Variants in CNOT6L observed in about 807,000 individuals in gnomAD.
CNOT6L encodes CCR4-NOT transcription complex subunit 6 like.
CNOT6L carries 7 observed loss-of-function variants against 64.0 expected under a neutral mutation model. The ratio of observed to expected loss-of-function variants is 0.11; its 90% CI spans 0.06 to 0.21. The LOEUF is 0.21. CNOT6L is among the 10% of genes least tolerant of loss of function. The probability of loss-of-function intolerance (pLI) is 1.00; values close to 1 mark genes in which losing one functional copy is unlikely to be tolerated. For missense variants in CNOT6L, 245 were observed against 669.0 expected (o/e 0.37, Z 6.99); for synonymous variants, 193 against 243.4 (o/e 0.79, Z 1.93).
Position 77,717,308 on chromosome 4 carries a change from G to C in CNOT6L, c.*3123C>G, listed in dbSNP as rs1449846678. 6.6e-6 allele frequency: 1 copy of C among 152,496 alleles called. No homozygotes were observed. Among genetic ancestry groups the C allele is most frequent in the African/African-American group, 2.4e-5 (1 of 41,424 alleles). 9.4% of individuals were successfully genotyped at this position (152,496 alleles called of 1,614,324 possible). A position where few individuals can be genotyped will look rare whatever the true frequency, so the allele number is the denominator to read the frequency against. ...CTATGAGGTGGATACTGATGCCTGAGAGAGTGGGTGACTTGACATGCACTT... is the reference window on the plus strand; with the variant it reads ...CTATGAGGTGGATACTGATGCCTGACAGAGTGGGTGACTTGACATGCACTT... On this transcript the variant is annotated 3_prime_UTR_variant, in exon 12 of 12. Transcript: ENST00000504123.
intron 4 of CNOT6L, among the ~76,000 whole-genome samples, chr4:77,771,530 G>C (rs1037378418): frequency 1.1e-4 from 17 of 152,054 alleles, no homozygotes; most frequent in Admixed American, 6.5e-4. Flanking sequence ...AATGCCTTGG[G>C]TTAATCCTCA....
chr4:77,816,213 ATC>A lies in CNOT6L; in HGVS notation c.5+3089_5+3090del, dbSNP rs1191812332. Among the ~76,000 whole-genome samples the A allele has an allele frequency of 1.1e-4, 16 of 152,238 alleles. No homozygotes were observed. The East Asian group carries it at 3.1e-3, about 29-fold the overall frequency. ...CCAAATATCTTTATAGTTCAATATCATCTGTTTTCATGATTACTACAGGGAAA... is the reference window on the plus strand; with the variant it reads ...CCAAATATCTTTATAGTTCAATATCATGTTTTCATGATTACTACAGGGAAA... On this transcript the variant is annotated intron_variant, in intron 1 of 11. Coordinates refer to ENST00000504123, the MANE Select transcript of CNOT6L (RefSeq NM_144571.3).
chr4:77,810,945 T>A (rs1732868548), intron 1 of CNOT6L, among the ~76,000 whole-genome samples: 1 of 152,174 alleles, frequency 6.6e-6, no homozygotes. Context: ...GTCCTCTAGT[T>A]CCATCCAAGT....
At chr4:77,772,150 C>A (rs998071692) in intron 4 of CNOT6L, among the ~76,000 whole-genome samples, 1 of 152,234 alleles carries the variant, frequency 6.6e-6, no homozygotes, top group Non-Finnish European at 1.5e-5. Context: ...CTCCTGTAAT[C>A]ACATCAATGC....
At chr4:77,744,474 G>C (rs978997627) in intron 7 of CNOT6L, among the ~76,000 whole-genome samples, 1 of 152,122 alleles carries the variant, frequency 6.6e-6, no homozygotes, top group Non-Finnish European at 1.5e-5. Context: ...GAACGGGTAA[G>C]ATTATTTCCA....
chr4:77,725,551 T>C (rs981770205), intron 11 of CNOT6L, among the ~76,000 whole-genome samples: 4 of 152,170 alleles, frequency 2.6e-5, no homozygotes, highest in African/African-American at 7.2e-5. Flanking sequence ...GCCTTTCCAT[T>C]TTTTTTCATA....
At chr4:77,736,207 T>A (rs968229543) in intron 8 of CNOT6L, among the ~76,000 whole-genome samples, 2 of 152,176 alleles carry the variant, frequency 1.3e-5, no homozygotes, top group African/African-American at 2.4e-5. Context: ...TCAAGTTTTA[T>A]CACTTCAGCT....
intron 1 of CNOT6L, among the ~76,000 whole-genome samples, chr4:77,797,383 T>A (rs1730984372): frequency 6.6e-6 from 1 of 152,204 alleles, no homozygotes; most frequent in African/African-American, 2.4e-5. Flanking sequence ...TGTGTGCCAG[T>A]CTGAGTAGTG....
intron 7 of CNOT6L, among the ~76,000 whole-genome samples, chr4:77,743,791 G>A (rs1198670091): frequency 1.1e-4 from 16 of 151,474 alleles, no homozygotes; most frequent in Non-Finnish European, 2.1e-4. Flanking sequence ...TAGTAGATAT[G>A]GGGTTTCACC....
chr4:77,742,058 T>C (rs1723658686), intron 8 of CNOT6L, 83 bp downstream of exon 8: 2 of 1,293,038 alleles, frequency 1.5e-6, no homozygotes, highest in African/African-American at 3.0e-5. Context: ...GTTGATTTTA[T>C]AGGGCAAAAC....
intron 8 of CNOT6L, among the ~76,000 whole-genome samples, chr4:77,739,768 T>C (rs1262304847): frequency 2.0e-5 from 3 of 152,192 alleles, no homozygotes; most frequent in Non-Finnish European, 4.4e-5. Flanking sequence ...AGGTGACACA[T>C]CTAAGTACTT....
intron 4 of CNOT6L, among the ~76,000 whole-genome samples, chr4:77,760,943 C>T (rs994689852): frequency 1.5e-5 from 2 of 133,256 alleles, no homozygotes; most frequent in Non-Finnish European, 3.1e-5. Context: ...GTCTTGATCT[C>T]CTGACCTCGT....
rs893910891 is a variant in CNOT6L, at chr4:77,726,148, C to T, written c.1455+19G>A. The T allele has an allele frequency of 1.2e-5, 20 of 1,607,612 alleles. No homozygotes were observed. The Admixed American group carries it at 2.3e-4, about 19-fold the overall frequency. On this transcript the variant is annotated intron_variant, in intron 11 of 11. Coordinates refer to ENST00000504123, the MANE Select transcript of CNOT6L (RefSeq NM_144571.3). ...GTATCTGAAATAATTTCTACACCTGCCCAAAGGCTGCCACTCACTTTGAAA... is the reference window on the plus strand; with the variant it reads ...GTATCTGAAATAATTTCTACACCTGTCCAAAGGCTGCCACTCACTTTGAAA...
At chr4:77,771,528 GGGT>G (rs1371057176) in intron 4 of CNOT6L, among the ~76,000 whole-genome samples, 1 of 152,062 alleles carries the variant, frequency 6.6e-6, no homozygotes, top group African/African-American at 2.4e-5. Context: ...CAAATGCCTT[GGGT>G]TAATCCTCAA....
At chr4:77,818,733 G>A (rs1049810179) in intron 1 of CNOT6L, among the ~76,000 whole-genome samples, 4 of 152,100 alleles carry the variant, frequency 2.6e-5, no homozygotes, top group South Asian at 2.1e-4. Flanking sequence ...CACCTGCCCA[G>A]GCCCGAGGCA....
At chr4:77,755,207 A>T (rs998987517) in intron 5 of CNOT6L, among the ~76,000 whole-genome samples, 1 of 144,826 alleles carries the variant, frequency 6.9e-6, no homozygotes, top group Non-Finnish European at 1.5e-5. Flanking sequence ...GACTGGCTAC[A>T]TCTATAGAGA....
Position 77,801,697 on chromosome 4 carries a change from G to C in CNOT6L, c.5+17607C>G, listed in dbSNP as rs937205553. On this transcript the variant is annotated intron_variant, in intron 1 of 11. Coordinates refer to ENST00000504123, the MANE Select transcript of CNOT6L (RefSeq NM_144571.3). ...TTACCAGAAGATAAAAATTGGGGGG[G>C]GGGGAGAATGAAACATTTTATAAAT... 1.5e-5 allele frequency among the ~76,000 whole-genome samples: 2 copies of C among 132,080 alleles called. 1 individual carries two copies. The highest frequency in any genetic ancestry group is 5.7e-5 in the African/African-American group (2 of 34,950). The allele number at this position is 132,080 out of a possible 152,430, so 86.6% of individuals were successfully genotyped here. A position where few individuals can be genotyped will look rare whatever the true frequency, so the allele number is the denominator to read the frequency against.
At chr4:77,749,969 T>C (rs886950417) in intron 5 of CNOT6L, among the ~76,000 whole-genome samples, 3 of 152,160 alleles carry the variant, frequency 2.0e-5, no homozygotes, top group South Asian at 2.1e-4. Flanking sequence ...ACGAAAGCAA[T>C]AGTAAATGGC....
rs556224204 is a variant in CNOT6L at position 77,815,237 on chromosome 4, T to C, written c.5+4067A>G. Among the ~76,000 whole-genome samples the C allele has an allele frequency of 2.9e-4, 44 of 152,236 alleles. No homozygotes were observed. In the South Asian group the frequency reaches 7.9e-3, roughly 27 times the overall value. On this transcript the variant is annotated intron_variant, in intron 1 of 11. Transcript: ENST00000504123. ...CTACTGATCTGAACTGATTTCAAAA[T>C]ACAAAGAGAAATAACTCAAACTGCC...
Sources: allele counts gnomAD v4.1 joint callset (sites outside exome capture counted in the v4.1 genomes callset), GRCh38; gene constraint gnomAD v4.1.1; transcripts MANE v1.5; gene names NCBI Gene and HGNC (gene_info 2026-07-23, HGNC 2026-07-21).